PTCHD4: variants seen among roughly 807,000 people sequenced by gnomAD.
PTCHD4 encodes the protein patched domain-containing protein 4.
Under a neutral mutation model 58.1 loss-of-function variants are expected in PTCHD4, and 33 were observed. The ratio of observed to expected loss-of-function variants is 0.57; its 90% CI spans 0.43 to 0.76. The LOEUF is 0.76. Ranked by LOEUF, PTCHD4 falls within the 30% of genes least tolerant of loss-of-function variation. PTCHD4 has a pLI of 0.00. For missense variants in PTCHD4, 1,058 were observed against 1,027.1 expected (o/e 1.03, Z -0.41); for synonymous variants, 478 against 409.6 (o/e 1.17, Z -2.02).
In PTCHD4 at chr6:48,078,524, C is replaced by T. The variant is rs571498423; in HGVS notation, c.-969-8598G>A. 7.2e-5 allele frequency among the ~76,000 whole-genome samples: 11 copies of T among 152,264 alleles called. No homozygotes were observed. In the East Asian group the frequency reaches 2.1e-3, roughly 29 times the overall value. ...TTCAATTTTTAGTCATTTAAATAAACATTTTCTAATTTGGGAAGAAGTACA... is the reference window on the plus strand; with the variant it reads ...TTCAATTTTTAGTCATTTAAATAAATATTTTCTAATTTGGGAAGAAGTACA... On this transcript the variant is annotated intron_variant, in intron 1 of 4. Transcript: ENST00000339488.
At chr6:47,986,817 T>A (rs558282912) in intron 4 of PTCHD4, among the ~76,000 whole-genome samples, 1 of 152,284 alleles carries the variant, frequency 6.6e-6, no homozygotes, top group South Asian at 2.1e-4. Flanking sequence ...TAGAATAAGG[T>A]TACCAGTGAT....
At chr6:47,951,757 T>C (rs370028160) in intron 4 of PTCHD4, among the ~76,000 whole-genome samples, 1 of 151,940 alleles carries the variant, frequency 6.6e-6, no homozygotes, top group Admixed American at 6.6e-5. Flanking sequence ...GAGTATTAAG[T>C]AGATAAATGT....
At chr6:47,989,298 G>T (rs1768196275) in intron 4 of PTCHD4, among the ~76,000 whole-genome samples, 1 of 152,196 alleles carries the variant, frequency 6.6e-6, no homozygotes. Context: ...AGTTCAGAAA[G>T]TTTGCAGCCT....
In PTCHD4 at chr6:47,874,928, C is replaced by T. The variant is rs1187917827; in HGVS notation, c.*3375G>A. On this transcript the variant is annotated 3_prime_UTR_variant, in exon 5 of 5. Transcript: ENST00000339488. ...CCTTTAACCATAAACGGTAAAAAATCTTTTAGCTGATCTCTCTGTAATTTA... is the reference window on the plus strand; with the variant it reads ...CCTTTAACCATAAACGGTAAAAAATTTTTTAGCTGATCTCTCTGTAATTTA... Among the ~76,000 whole-genome samples, 6 of 151,740 alleles carry T rather than the reference C, an allele frequency of 4.0e-5. No homozygotes were observed. The highest frequency in any genetic ancestry group is 1.5e-4 in the African/African-American group (6 of 41,370).
At position 48,111,064 on chromosome 6, in the gene PTCHD4, T is replaced by G. The variant is rs761965654; in HGVS notation, c.-985A>C. ...GTTCCCTTACCTTCTGGCTTTCGGTTTGGATTGGCGCATGGAGGCAACAAC... is the reference window on the plus strand; with the variant it reads ...GTTCCCTTACCTTCTGGCTTTCGGTGTGGATTGGCGCATGGAGGCAACAAC... On this transcript the variant is annotated 5_prime_UTR_variant, in exon 1 of 5. Transcript: ENST00000339488. Among the ~76,000 whole-genome samples, 2 of 151,978 alleles carry G rather than the reference T, an allele frequency of 1.3e-5. No homozygotes were observed. Among genetic ancestry groups the G allele is most frequent in the Non-Finnish European group, 2.9e-5 (2 of 67,998 alleles).
intron 3 of PTCHD4, among the ~76,000 whole-genome samples, chr6:48,063,275 C>A (rs1248140760): frequency 6.6e-6 from 1 of 152,154 alleles, no homozygotes; most frequent in Non-Finnish European, 1.5e-5. Context: ...AAACTCTCCA[C>A]AGTAAGGGGA....
At position 47,863,325 on chromosome 6, in the gene PTCHD4, T is replaced by G. The variant is rs1243022750; in HGVS notation, c.*14978A>C. 6.6e-6 allele frequency among the ~76,000 whole-genome samples: 1 copy of G among 151,890 alleles called. No individual in the cohort carries two copies. The highest frequency in any genetic ancestry group is 1.5e-5 in the Non-Finnish European group (1 of 67,896). ...TGTCCTAGGGCCTCCAAAAGACTTA[T>G]GTAAGCAATGGGCTCAGAAATTTAA... On this transcript the variant is annotated 3_prime_UTR_variant, in exon 5 of 5. Transcript: ENST00000339488.
chr6:47,860,828 C>T lies in PTCHD4; in HGVS notation c.*17475G>A, dbSNP rs141210787. On this transcript the variant is annotated 3_prime_UTR_variant, in exon 5 of 5. Coordinates refer to ENST00000339488, the MANE Select transcript of PTCHD4 (RefSeq NM_001384253.1). ...AGCAATTAGGTTACAAATGAACTGG[C>T]GATAAAATACTTTCATAAAAATTAT... Among the ~76,000 whole-genome samples the T allele has an allele frequency of 1.7e-3, 256 of 151,936 alleles. 1 individual carries two copies. The highest frequency in any genetic ancestry group is 5.7e-3 in the African/African-American group (238 of 41,474).
At chr6:48,100,855 A>G (rs1166904411) in intron 1 of PTCHD4, among the ~76,000 whole-genome samples, 2 of 152,162 alleles carry the variant, frequency 1.3e-5, no homozygotes, top group African/African-American at 4.8e-5. Context: ...CCTGACCAAA[A>G]CCTCAAGAGA....
At chr6:47,994,874 T>G (rs1768422140) in intron 4 of PTCHD4, among the ~76,000 whole-genome samples, 1 of 152,106 alleles carries the variant, frequency 6.6e-6, no homozygotes. Flanking sequence ...AGGATTTTCA[T>G]TTTTCAGGAA....
intron 3 of PTCHD4, among the ~76,000 whole-genome samples, chr6:48,046,370 A>C (rs917591184): frequency 2.0e-5 from 3 of 151,814 alleles, no homozygotes; most frequent in African/African-American, 7.2e-5. Context: ...AAGCTTTTTG[A>C]GTGAATTCTC....
rs1763567470 is a variant in PTCHD4, at chr6:47,866,559, G to A, written c.*11744C>T. Among the ~76,000 whole-genome samples, 4 of 151,724 alleles carry A rather than the reference G, an allele frequency of 2.6e-5. No individual in the cohort carries two copies. Among genetic ancestry groups the A allele is most frequent in the Admixed American group, 1.3e-4 (2 of 15,184 alleles). ...ACTTCTGTGAACAGATGTCCTCCTC[G>A]TGAACCAGTTGGAAAATGGGGCCTC... is the stretch of plus-strand genomic sequence containing the variant. On this transcript the variant is annotated 3_prime_UTR_variant, in exon 5 of 5. Transcript: ENST00000339488.
intron 3 of PTCHD4, among the ~76,000 whole-genome samples, chr6:48,066,727 A>AG (rs1327843197): frequency 2.0e-5 from 3 of 152,116 alleles, no homozygotes; most frequent in Admixed American, 2.0e-4. Context: ...CTAAACATCA[A>AG]GGGGCTGCTC....
At chr6:48,036,656 CA>C (rs1419170494) in intron 3 of PTCHD4, among the ~76,000 whole-genome samples, 2 of 152,050 alleles carry the variant, frequency 1.3e-5, no homozygotes, top group Non-Finnish European at 2.9e-5. Context: ...CCTCAAAACA[CA>C]AGAGTAGGGA....
intron 4 of PTCHD4, among the ~76,000 whole-genome samples, chr6:48,002,740 C>A (rs1156712009): frequency 6.7e-6 from 1 of 150,136 alleles, no homozygotes; most frequent in Admixed American, 6.6e-5. Context: ...GCACATGTAC[C>A]CTAAAACTTA....
chr6:48,064,623 T>A (rs980689345), intron 3 of PTCHD4, among the ~76,000 whole-genome samples: 3 of 152,178 alleles, frequency 2.0e-5, no homozygotes, highest in Non-Finnish European at 4.4e-5. Context: ...ATACAAAGAA[T>A]ACCTTTATAA....
chr6:48,012,969 G>A (rs1044744275), intron 3 of PTCHD4, among the ~76,000 whole-genome samples: 1 of 152,136 alleles, frequency 6.6e-6, no homozygotes, highest in Non-Finnish European at 1.5e-5. Context: ...GCTGGACTCG[G>A]TTTGGCAGTA....
intron 3 of PTCHD4, among the ~76,000 whole-genome samples, chr6:48,053,647 G>A (rs2114175160): frequency 6.6e-6 from 1 of 152,212 alleles, no homozygotes; most frequent in South Asian, 2.1e-4. Context: ...GAATGCCCTT[G>A]CATTAATGTG....
At chr6:47,887,022 G>A (rs1051736338) in intron 4 of PTCHD4, among the ~76,000 whole-genome samples, 1 of 152,164 alleles carries the variant, frequency 6.6e-6, no homozygotes, top group Non-Finnish European at 1.5e-5. Flanking sequence ...TTAGGCACTT[G>A]CCTTTTTCAC....
Sources: gnomAD v4.1 joint callset for allele counts (sites outside exome capture counted in the v4.1 genomes callset) on GRCh38, gnomAD v4.1.1 for gene constraint, MANE v1.5 for transcripts, NCBI Gene and HGNC (gene_info 2026-07-23, HGNC 2026-07-21) for gene names.